ZMYM4: variants seen among roughly 807,000 people sequenced by gnomAD.
The protein encoded by ZMYM4 is zinc finger MYM-type protein 4.
ZMYM4 carries 31 observed loss-of-function variants against 183.2 expected under a neutral mutation model. The ratio of observed to expected loss-of-function variants is 0.17; its 90% CI spans 0.13 to 0.23. The LOEUF is 0.23. ZMYM4 is among the 10% of genes least tolerant of loss of function. The probability of loss-of-function intolerance (pLI) is 1.00; values close to 1 mark genes in which losing one functional copy is unlikely to be tolerated. For synonymous variants in ZMYM4, 592 were observed against 631.2 expected (o/e 0.94, Z 0.93); for missense variants, 1,273 against 1,840.3 (o/e 0.69, Z 5.64).
intron 23 of ZMYM4, among the ~76,000 whole-genome samples, chr1:35,403,183 C>T (rs1284878184): frequency 6.6e-6 from 1 of 152,070 alleles, no homozygotes; most frequent in Non-Finnish European, 1.5e-5. Context: ...TTAATTTTTT[C>T]AAATGATTAA....
At chr1:35,269,282 G>C (rs1639471357) in intron 1 of ZMYM4, among the ~76,000 whole-genome samples, 197 bp downstream of exon 1, 1 of 151,522 alleles carries the variant, frequency 6.6e-6, no homozygotes, top group East Asian at 2.0e-4. Context: ...TTGGTGCTGG[G>C]TGGGGGGGAG....
intron 1 of ZMYM4, among the ~76,000 whole-genome samples, chr1:35,317,767 A>C (rs1642112897): frequency 6.6e-6 from 1 of 152,320 alleles, no homozygotes; most frequent in Non-Finnish European, 1.5e-5. Context: ...TGTTGATGGG[A>C]TAGGTCTTTT....
Position 35,370,488 on chromosome 1 carries a change from C to A in ZMYM4, c.1042C>A (p.Leu348Ile). The change falls in exon 7 of 30, where the codon CTC (leucine) becomes ATC (isoleucine). Residue 348 changes from leucine to isoleucine, a missense_variant. Around this residue, in one of 6 missense-constraint regions of ZMYM4, gnomAD observed 384 missense variants for 465.6 expected, o/e 0.82. Transcript: ENST00000314607. ...TTCCTGTTCTGGTTGTAAAAAAATC[C>A]TCCAGAAGGGGCAAACTGCTTATCA... ...RVSCSGCKKI[L>I]QKGQTAYQRK... is the part of the protein sequence containing the mutation. 1 of 1,613,372 alleles carries A rather than the reference C, an allele frequency of 6.2e-7. No homozygotes were observed. The highest frequency in any genetic ancestry group is 8.5e-7 in the Non-Finnish European group (1 of 1,179,866).
At chr1:35,411,397 C>T (rs200365842) in intron 26 of ZMYM4, among the ~76,000 whole-genome samples, 4 of 152,022 alleles carry the variant, frequency 2.6e-5, no homozygotes, top group Admixed American at 6.5e-5. Flanking sequence ...CCTTGTGATC[C>T]GCCTGCCTCG....
At chr1:35,353,989 T>A (rs562780605) in intron 2 of ZMYM4, among the ~76,000 whole-genome samples, 5 of 151,380 alleles carry the variant, frequency 3.3e-5, no homozygotes, top group Non-Finnish European at 7.4e-5. Flanking sequence ...CCACAAAAAA[T>A]TAAAAAAAAA....
At chr1:35,273,209 T>TC (rs1639704763) in intron 1 of ZMYM4, among the ~76,000 whole-genome samples, 1 of 152,138 alleles carries the variant, frequency 6.6e-6, no homozygotes, top group Non-Finnish European at 1.5e-5. Context: ...TCATCTCTAG[T>TC]ATAGAGAGAA....
At position 35,389,779 on chromosome 1, in the gene ZMYM4, ATATG is replaced by A. The variant is rs1411670501; in HGVS notation, c.2437-167_2437-164del. Among the ~76,000 whole-genome samples the A allele has an allele frequency of 8.7e-6, 1 of 114,296 alleles. No individual in the cohort carries two copies. The highest frequency in any genetic ancestry group is 1.5e-5 in the Non-Finnish European group (1 of 65,914). The allele number at this position is 114,296 out of a possible 152,430, so 75.0% of individuals were successfully genotyped here. On this transcript the variant is annotated intron_variant, in intron 14 of 29. Transcript: ENST00000314607. This position sits in a 1 kb window ranked among gnomAD's most constrained non-coding sequence, Gnocchi z 4.0. ...CAAAAAAAAAAAAAAATATATATATATATGTGTGTGTGTGTGTGTGTGTGTGTGT... is the reference window on the plus strand; with the variant it reads ...CAAAAAAAAAAAAAAATATATATATATGTGTGTGTGTGTGTGTGTGTGTGT...
At chr1:35,356,261 G>C (rs1276951814) in intron 2 of ZMYM4, among the ~76,000 whole-genome samples, 1 of 152,140 alleles carries the variant, frequency 6.6e-6, no homozygotes, top group East Asian at 1.9e-4. Context: ...GATATGGAAA[G>C]TTGCTTACAA....
At chr1:35,402,880 G>A (rs1048277192) in intron 23 of ZMYM4, among the ~76,000 whole-genome samples, 1 of 151,650 alleles carries the variant, frequency 6.6e-6, no homozygotes, top group Non-Finnish European at 1.5e-5. Context: ...TTGTTTTATT[G>A]AACTAGCTAG....
At chr1:35,383,764 T>C (rs1046387653) in intron 9 of ZMYM4, among the ~76,000 whole-genome samples, 1 of 152,216 alleles carries the variant, frequency 6.6e-6, no homozygotes, top group Non-Finnish European at 1.5e-5. Context: ...AAATTTTTCA[T>C]GTATTATATC....
intron 5 of ZMYM4, among the ~76,000 whole-genome samples, chr1:35,368,025 G>T (rs571229032): frequency 1.3e-5 from 2 of 151,924 alleles, no homozygotes; most frequent in Non-Finnish European, 2.9e-5. Flanking sequence ...ACTAAGGCAG[G>T]GGTTGGCAAA....
chr1:35,311,935 G>A (rs998975818), intron 1 of ZMYM4, among the ~76,000 whole-genome samples: 2 of 151,746 alleles, frequency 1.3e-5, no homozygotes, highest in Admixed American at 1.3e-4. Flanking sequence ...TGTCACCCAG[G>A]CTGGAGTGCA....
intron 1 of ZMYM4, among the ~76,000 whole-genome samples, chr1:35,271,692 C>T (rs888846294): frequency 3.9e-5 from 6 of 152,166 alleles, no homozygotes; most frequent in Admixed American, 1.3e-4. Context: ...TGTGAGCTAC[C>T]GGGCCTGGCC....
chr1:35,409,210 T>C lies in ZMYM4; in HGVS notation c.3948+1051T>C, dbSNP rs147638869. On this transcript the variant is annotated intron_variant, in intron 26 of 29. Coordinates refer to ENST00000314607, the MANE Select transcript of ZMYM4 (RefSeq NM_005095.3). The stretch of plus-strand genomic sequence containing the variant: ...GATGGACATTTGAGGTTCTGCCTTT[T>C]GGTGATTGTGAATACGCTGCTGTGA... Among the ~76,000 whole-genome samples, 6 of 152,392 alleles carry C rather than the reference T, an allele frequency of 3.9e-5. 1 individual carries two copies. Among genetic ancestry groups the C allele is most frequent in the African/African-American group, 1.4e-4 (6 of 41,598 alleles).
chr1:35,325,695 C>T (rs1423531232), intron 2 of ZMYM4, among the ~76,000 whole-genome samples: 1 of 151,966 alleles, frequency 6.6e-6, no homozygotes, highest in African/African-American at 2.4e-5. Context: ...AGGGTTTCTA[C>T]TTGGGTTAAG....
At chr1:35,369,285 T>A (rs1644155011) in intron 5 of ZMYM4, among the ~76,000 whole-genome samples, 1 of 152,198 alleles carries the variant, frequency 6.6e-6, no homozygotes, top group South Asian at 2.1e-4. Flanking sequence ...CACTGAAAGG[T>A]TGTAGTAGAA....
At chr1:35,301,957 G>A (rs1285306658) in intron 1 of ZMYM4, among the ~76,000 whole-genome samples, 2 of 152,138 alleles carry the variant, frequency 1.3e-5, no homozygotes, top group African/African-American at 4.8e-5. Context: ...GTTCTATTCT[G>A]CCTGTTCTCC....
At chr1:35,388,806 G>A in intron 13 of ZMYM4, 104 bp from the exon 14 acceptor site, 2 of 1,052,254 alleles carry the variant, frequency 1.9e-6, no homozygotes, top group Non-Finnish European at 2.8e-6. Context: ...AAAGTGTTGG[G>A]ATTACAGGTG....
intron 2 of ZMYM4, among the ~76,000 whole-genome samples, chr1:35,338,302 T>C (rs1391465404): frequency 6.6e-6 from 1 of 152,244 alleles, no homozygotes; most frequent in Non-Finnish European, 1.5e-5. Flanking sequence ...GGGCTTGAAC[T>C]GTACGGGTCC....
Sources: allele counts gnomAD v4.1 joint callset (sites outside exome capture counted in the v4.1 genomes callset), GRCh38; gene constraint gnomAD v4.1.1; regional missense constraint gnomAD v4.1.1; non-coding constraint Gnocchi (gnomAD v3.1); transcripts MANE v1.5; gene names NCBI Gene and HGNC (gene_info 2026-07-23, HGNC 2026-07-21).